Variants in PCDHGB7 observed in about 807,000 individuals in gnomAD.
The protein encoded by PCDHGB7 is protocadherin gamma-B7.
A neutral mutation model predicts 61.4 loss-of-function variants in PCDHGB7; 37 were observed. The ratio of observed to expected loss-of-function variants is 0.60; its 90% CI spans 0.46 to 0.79. The LOEUF (loss-of-function observed/expected upper bound fraction) is 0.79. Ranked by LOEUF, PCDHGB7 falls within the 30% of genes least tolerant of loss-of-function variation. The pLI, the probability that PCDHGB7 is intolerant of heterozygous loss-of-function variation, is 0.00. For synonymous variants in PCDHGB7, 464 were observed against 503.5 expected (o/e 0.92, Z 1.05); for missense variants, 1,166 against 1,202.5 (o/e 0.97, Z 0.45).
chr5:141,462,852 T>C (rs1334709435), intron 1 of PCDHGB7, among the ~76,000 whole-genome samples: 1 of 152,202 alleles, frequency 6.6e-6, no homozygotes. Flanking sequence ...TTTTGAGTGT[T>C]TGGATTTTGT....
chr5:141,430,686 C>G, intron 1 of PCDHGB7: 1 of 1,397,218 alleles, frequency 7.2e-7, no homozygotes, highest in Non-Finnish European at 9.5e-7. Context: ...CTGTCCCATT[C>G]TATGGGCGAA....
At chr5:141,510,862 C>T (rs764422869) in intron 3 of PCDHGB7, 85 bp from the exon 4 acceptor site, 22 of 1,606,772 alleles carry the variant, frequency 1.4e-5, no homozygotes, top group Non-Finnish European at 1.7e-5. Flanking sequence ...GCTGTATAGG[C>T]ATTCATTAAC....
At position 141,487,493 on chromosome 5, in the gene PCDHGB7, C is replaced by A. The variant is rs1372433097; in HGVS notation, c.2416-7314C>A. 5.6e-6 allele frequency: 9 copies of A among 1,614,050 alleles called. No individual in the cohort carries two copies. The highest frequency in any genetic ancestry group is 6.8e-6 in the Non-Finnish European group (8 of 1,180,034). On this transcript the variant is annotated intron_variant, in intron 1 of 3. Coordinates refer to ENST00000398594, the MANE Select transcript of PCDHGB7 (RefSeq NM_018927.4). This position sits in a 1 kb window ranked among gnomAD's most constrained non-coding sequence, Gnocchi z 5.0. ...GGGAGGCCACTCTCATGGCTGTACACCCTTGGCTTCTGCACCCACTCGGAG... is the reference window on the plus strand; with the variant it reads ...GGGAGGCCACTCTCATGGCTGTACAACCTTGGCTTCTGCACCCACTCGGAG...
At chr5:141,492,954 A>G (rs2099745299) in intron 1 of PCDHGB7, among the ~76,000 whole-genome samples, 1 of 152,212 alleles carries the variant, frequency 6.6e-6, no homozygotes, top group Non-Finnish European at 1.5e-5. Context: ...TGACCAAACT[A>G]TCTGACACTC....
chr5:141,484,002 A>T, intron 1 of PCDHGB7, among the ~76,000 whole-genome samples: 1 of 25,484 alleles, frequency 3.9e-5, no homozygotes, highest in African/African-American at 1.7e-4. Context: ...GGAGGTCTGG[A>T]TGAGGGTGGG....
Position 141,476,129 on chromosome 5 carries a change from G to A in PCDHGB7, c.2416-18678G>A. ...GCTTTTGAGTGAGATGGTCCCAGAG[G>A]CCTGGAGGAGCGGACTGGTAAGCAC... On this transcript the variant is annotated intron_variant, in intron 1 of 3. Transcript: ENST00000398594. This position sits in a 1 kb window ranked among gnomAD's most constrained non-coding sequence, Gnocchi z 7.6. The A allele has an allele frequency of 6.2e-7, 1 of 1,606,848 alleles. No homozygotes were observed. The highest frequency in any genetic ancestry group is 8.5e-7 in the Non-Finnish European group (1 of 1,177,814).
Position 141,476,889 on chromosome 5 carries a change from C to T in PCDHGB7, c.2416-17918C>T. ...CGGGCGCGCGTCCTGGAGGATGCAC[C>T]CTCCGGCACGCGCGTGGTACAAGTC... is the stretch of plus-strand genomic sequence containing the variant. On this transcript the variant is annotated intron_variant, in intron 1 of 3. Transcript: ENST00000398594. This position sits in a 1 kb window ranked among gnomAD's most constrained non-coding sequence, Gnocchi z 7.6. 6.2e-7 allele frequency: 1 copy of T among 1,613,960 alleles called. No individual in the cohort carries two copies. The highest frequency in any genetic ancestry group is 8.5e-7 in the Non-Finnish European group (1 of 1,180,034).
chr5:141,434,253 G>C (rs979768901), intron 1 of PCDHGB7, among the ~76,000 whole-genome samples: 9 of 152,198 alleles, frequency 5.9e-5, no homozygotes, highest in Non-Finnish European at 1.3e-4. Flanking sequence ...CTTGGGCATT[G>C]TGGGGGAGGT....
At chr5:141,427,304 C>G in intron 1 of PCDHGB7, 1 of 456,910 alleles carries the variant, frequency 2.2e-6, no homozygotes. Flanking sequence ...ATGAGAATGA[C>G]AATGCCCCAG....
chr5:141,420,099 C>G lies in PCDHGB7; in HGVS notation c.2240C>G (p.Thr747Arg). 2.5e-6 allele frequency: 4 copies of G among 1,613,996 alleles called. No individual in the cohort carries two copies. The highest frequency in any genetic ancestry group is 3.4e-6 in the Non-Finnish European group (4 of 1,179,838). The change falls in exon 1 of 4, where the codon ACG (threonine) becomes AGG (arginine). Residue 747 changes from threonine to arginine, a missense_variant. By Grantham distance (71) the Thr-to-Arg change is moderately conservative (BLOSUM62 -1). Coordinates refer to ENST00000398594, the MANE Select transcript of PCDHGB7 (RefSeq NM_018927.4). ...GGTCCCCCCAACTACAGTGAGGGAA[C>G]GTTGCCCTATGCCTATAATTTTTGT... ...PVGPPNYSEG[T>R]LPYAYNFCVP...
Position 141,486,146 on chromosome 5 carries a change from G to A in PCDHGB7, c.2416-8661G>A, listed in dbSNP as rs533158692. The A allele has an allele frequency of 3.1e-6, 5 of 1,614,184 alleles. No homozygotes were observed. The highest frequency in any genetic ancestry group is 2.2e-5 in the East Asian group (1 of 44,876). The stretch of plus-strand genomic sequence containing the variant: ...TGAATTTGATGTGCGGGCTCGCGAT[G>A]GGGGTTCTCCAGCCATGGAGCAACA... On this transcript the variant is annotated intron_variant, in intron 1 of 3. Transcript: ENST00000398594. The surrounding 1 kb of genome is among the most constrained non-coding windows in gnomAD (Gnocchi z 5.0).
At chr5:141,507,896 G>A (rs1457319438) in intron 3 of PCDHGB7, among the ~76,000 whole-genome samples, 1 of 152,210 alleles carries the variant, frequency 6.6e-6, no homozygotes, top group African/African-American at 2.4e-5. Flanking sequence ...GGTTCCTGAA[G>A]TCCAGCCCAG....
chr5:141,442,135 G>C lies in PCDHGB7; in HGVS notation c.2415+21861G>C, dbSNP rs868124128. 8 of 164,066 alleles carry C rather than the reference G, an allele frequency of 4.9e-5. 1 individual carries two copies. The highest frequency in any genetic ancestry group is 2.8e-4 in the South Asian group (2 of 7,026). 10.2% of individuals were successfully genotyped at this position (164,066 alleles called of 1,614,324 possible). On this transcript the variant is annotated intron_variant, in intron 1 of 3. Transcript: ENST00000398594. ...CCCTCGTCGCCGACAGCCTGCAGGA[G>C]ACTCTGCCAGACCTCAGCGATCACT...
chr5:141,419,088 T>G lies in PCDHGB7; in HGVS notation c.1229T>G (p.Leu410Arg), dbSNP rs2096325159. The G allele has an allele frequency of 1.2e-6, 2 of 1,613,940 alleles. No individual in the cohort carries two copies. The highest frequency in any genetic ancestry group is 1.7e-6 in the Non-Finnish European group (2 of 1,179,886). ...TACAAGCTAGTAACAGATGAGGCCC[T>G]GGATCGGGAGCAGACCCCAGAGTAC... ...NYYKLVTDEA[L>R]DREQTPEYNV... The change falls in exon 1 of 4, where the codon CTG (leucine) becomes CGG (arginine). Residue 410 changes from leucine to arginine, a missense_variant. Leu to Arg is a moderately radical substitution (Grantham distance 102). Transcript: ENST00000398594.
At chr5:141,451,624 G>A (rs1016417101) in intron 1 of PCDHGB7, among the ~76,000 whole-genome samples, 3 of 152,150 alleles carry the variant, frequency 2.0e-5, no homozygotes, top group African/African-American at 7.2e-5. Context: ...GCTCAAACCT[G>A]TAATTCCAGC....
At chr5:141,492,710 G>A (rs11953270) in intron 1 of PCDHGB7, among the ~76,000 whole-genome samples, 27,341 of 152,278 alleles carry the variant, frequency 0.18, 2,647 homozygotes, top group Admixed American at 0.28. Flanking sequence ...GAAGCCTCGA[G>A]CAGGCGGACA....
Position 141,489,826 on chromosome 5 carries a change from C to G in PCDHGB7, c.2416-4981C>G. On this transcript the variant is annotated intron_variant, in intron 1 of 3. Transcript: ENST00000398594. This position sits in a 1 kb window ranked among gnomAD's most constrained non-coding sequence, Gnocchi z 4.5. The stretch of plus-strand genomic sequence containing the variant: ...TGGGAAGCCATTCCCAGAGCTGGTG[C>G]TAGAGCAGCAGCTGGATCGTGAAGC... 1 of 1,614,186 alleles carries G rather than the reference C, an allele frequency of 6.2e-7. No homozygotes were observed. The highest frequency in any genetic ancestry group is 8.5e-7 in the Non-Finnish European group (1 of 1,179,988).
intron 1 of PCDHGB7, chr5:141,478,259 T>G: frequency 6.2e-7 from 1 of 1,614,182 alleles, no homozygotes. Context: ...AGTAATCATA[T>G]TCAAAGTTTA....
chr5:141,438,288 G>C (rs752722248), intron 1 of PCDHGB7, among the ~76,000 whole-genome samples: 18 of 151,902 alleles, frequency 1.2e-4, no homozygotes, highest in Non-Finnish European at 2.1e-4. Flanking sequence ...AATTTAATCT[G>C]TATGTAAAAG....
Sources: allele counts gnomAD v4.1 joint callset (sites outside exome capture counted in the v4.1 genomes callset), GRCh38; gene constraint gnomAD v4.1.1; non-coding constraint Gnocchi (gnomAD v3.1); transcripts MANE v1.5; gene names NCBI Gene and HGNC (gene_info 2026-07-23, HGNC 2026-07-21).